Variants in KLF12 observed in about 807,000 individuals in gnomAD.
KLF12 encodes the protein Krueppel-like factor 12.
In KLF12, 9 loss-of-function variants were observed where a neutral mutation model predicts 37.8. The observed-to-expected ratio is 0.24, with a 90% CI of 0.14 to 0.42. The LOEUF (loss-of-function observed/expected upper bound fraction) is 0.42. KLF12 is among the 10% of genes least tolerant of loss of function. KLF12 has a pLI of 1.00. For missense variants in KLF12, 411 were observed against 516.0 expected (o/e 0.80, Z 1.97); for synonymous variants, 208 against 202.1 (o/e 1.03, Z -0.25).
chr13:74,276,369 T>A, the KLF12 span, among the ~76,000 whole-genome samples: 1 of 152,258 alleles, frequency 6.6e-6, no homozygotes, highest in East Asian at 1.9e-4. Context: ...TACCTTGGCC[T>A]CCCAAAGTCA....
At chr13:74,019,592 A>C (rs973216589) in intron 1 of KLF12, among the ~76,000 whole-genome samples, 5 of 152,264 alleles carry the variant, frequency 3.3e-5, no homozygotes, top group Non-Finnish European at 5.9e-5. Context: ...AAAAGTAGGT[A>C]GCAGATCAAT....
At chr13:73,697,630 T>C (rs375891327) in intron 7 of KLF12, among the ~76,000 whole-genome samples, 2 of 152,196 alleles carry the variant, frequency 1.3e-5, no homozygotes, top group East Asian at 1.9e-4. Flanking sequence ...TTGAGCTTGA[T>C]AAAATTCATC....
At chr13:74,053,252 C>G (rs1873030227) in intron 1 of KLF12, among the ~76,000 whole-genome samples, 1 of 152,156 alleles carries the variant, frequency 6.6e-6, no homozygotes, top group Admixed American at 6.5e-5. Flanking sequence ...TGGTGAAAAA[C>G]TGACTATATC....
the KLF12 span, chr13:74,257,829 A>G: frequency 0.39 from 59,776 of 152,068 alleles, 15,042 homozygotes; most frequent in African/African-American, 0.72. Flanking sequence ...TTTTCAGCTC[A>G]AACTCATCTT....
rs529140474 is a variant in KLF12, at chr13:73,976,514, A to C, written c.33+18476T>G. 7.9e-5 allele frequency among the ~76,000 whole-genome samples: 12 copies of C among 152,192 alleles called. No homozygotes were observed. The South Asian group carries it at 2.5e-3, about 32-fold the overall frequency. ...TGTTAACACTCCAAGCCAAGCCAAC[A>C]CCATCTCATGCTGCCCCACAACAGC... is the stretch of plus-strand genomic sequence containing the variant. On this transcript the variant is annotated intron_variant, in intron 2 of 7. Transcript: ENST00000377669.
chr13:73,739,934 T>C (rs1248767428), intron 6 of KLF12, among the ~76,000 whole-genome samples: 1 of 114,506 alleles, frequency 8.7e-6, no homozygotes, highest in Non-Finnish European at 2.0e-5. Flanking sequence ...TATTACCTTC[T>C]GAGGTGTGTT....
the KLF12 span, among the ~76,000 whole-genome samples, chr13:74,202,010 T>C: frequency 6.6e-6 from 1 of 152,174 alleles, no homozygotes; most frequent in Non-Finnish European, 1.5e-5. Flanking sequence ...GAGAGGCTGT[T>C]GTCCAGCTCT....
the KLF12 span, among the ~76,000 whole-genome samples, chr13:74,246,074 A>G: frequency 3.9e-5 from 6 of 152,308 alleles, no homozygotes; most frequent in East Asian, 1.2e-3. Flanking sequence ...CTTTGACACG[A>G]CACCCAAGTG....
rs367773049 is a variant in KLF12 at position 73,994,940 on chromosome 13, G to C, written c.33+50C>G. On this transcript the variant is annotated intron_variant, in intron 2 of 7. Transcript: ENST00000377669. The stretch of plus-strand genomic sequence containing the variant: ...TGAGAATAAACTGCCCAAAAGTAAT[G>C]CTCAAAGTAGCAATATTTTCAATGC... 9 of 1,268,244 alleles carry C rather than the reference G, an allele frequency of 7.1e-6. No individual in the cohort carries two copies. The African/African-American group carries it at 1.0e-4, about 14-fold the overall frequency. 78.6% of individuals were successfully genotyped at this position (1,268,244 alleles called of 1,614,324 possible).
chr13:74,224,338 T>G, the KLF12 span, among the ~76,000 whole-genome samples: 1 of 152,186 alleles, frequency 6.6e-6, no homozygotes, highest in East Asian at 1.9e-4. Context: ...CATCCTCAGA[T>G]CCTCTATTCT....
intron 4 of KLF12, among the ~76,000 whole-genome samples, chr13:73,842,048 C>T (rs755697519): frequency 2.0e-4 from 30 of 152,262 alleles, no homozygotes; most frequent in Non-Finnish European, 3.1e-4. Flanking sequence ...ATTCTTTGCA[C>T]ACTTGGAAAG....
At chr13:74,006,316 T>C (rs914999471) in intron 1 of KLF12, among the ~76,000 whole-genome samples, 2 of 152,184 alleles carry the variant, frequency 1.3e-5, no homozygotes, top group Non-Finnish European at 2.9e-5. Flanking sequence ...AGATTCTCTC[T>C]CCCTACAGAG....
the KLF12 span, among the ~76,000 whole-genome samples, chr13:74,255,938 G>A: frequency 3.9e-5 from 6 of 152,150 alleles, no homozygotes; most frequent in Middle Eastern, 3.4e-3. Flanking sequence ...GGTGGATCAC[G>A]AGGTCAGGAG....
intron 1 of KLF12, among the ~76,000 whole-genome samples, chr13:74,105,689 GT>G (rs974744694): frequency 6.6e-6 from 1 of 152,154 alleles, no homozygotes; most frequent in African/African-American, 2.4e-5. Flanking sequence ...ACCTGGATGT[GT>G]TAACCTAAGC....
At chr13:74,128,623 A>C (rs781488054) in intron 1 of KLF12, among the ~76,000 whole-genome samples, 1 of 152,242 alleles carries the variant, frequency 6.6e-6, no homozygotes. Context: ...TTGTGATTCA[A>C]GGATGTATCA....
intron 1 of KLF12, among the ~76,000 whole-genome samples, chr13:74,122,334 C>T (rs917659438): frequency 5.3e-5 from 8 of 152,048 alleles, no homozygotes; most frequent in Admixed American, 2.0e-4. Flanking sequence ...TGTTCAAAGT[C>T]ACTAACAATC....
intron 4 of KLF12, among the ~76,000 whole-genome samples, chr13:73,827,856 T>C (rs1328653588): frequency 6.6e-6 from 1 of 152,004 alleles, no homozygotes. Context: ...AGCCACTGTG[T>C]CCGGGCCCAT....
chr13:73,769,053 G>C (rs1352833885), intron 5 of KLF12, among the ~76,000 whole-genome samples: 1 of 152,050 alleles, frequency 6.6e-6, no homozygotes, highest in East Asian at 1.9e-4. Flanking sequence ...TGGTTTTCTT[G>C]GACTAAATAT....
At chr13:74,245,293 TTATCTATC>T in the KLF12 span, among the ~76,000 whole-genome samples, 11,343 of 148,986 alleles carry the variant, frequency 0.076, 476 homozygotes, top group African/African-American at 0.11. Flanking sequence ...GGAGATAAGT[TTATCTATC>T]TATCTATCTA....
Sources: gnomAD v4.1 joint callset for allele counts (sites outside exome capture counted in the v4.1 genomes callset) on GRCh38, gnomAD v4.1.1 for gene constraint, MANE v1.5 for transcripts, NCBI Gene and HGNC (gene_info 2026-07-23, HGNC 2026-07-21) for gene names.